TNFSF18: variants seen among roughly 807,000 people sequenced by gnomAD.
The protein encoded by TNFSF18 is tumor necrosis factor ligand superfamily member 18.
A neutral mutation model predicts 9.6 loss-of-function variants in TNFSF18; 6 were observed. The ratio of observed to expected loss-of-function variants is 0.63; its 90% CI spans 0.34 to 1.24. The LOEUF (loss-of-function observed/expected upper bound fraction) is 1.24. Among genes scored for constraint, TNFSF18 ranks in the 50% most tolerant of loss-of-function variants. TNFSF18 has a pLI of 0.03. For synonymous variants in TNFSF18, 68 were observed against 71.7 expected (o/e 0.95, Z 0.26); for missense variants, 210 against 201.0 (o/e 1.04, Z -0.27).
At chr1:173,044,029 A>G in intron 1 of TNFSF18, 60 bp from the exon 2 acceptor site, 10 of 1,480,818 alleles carry the variant, frequency 6.8e-6, no homozygotes, top group Non-Finnish European at 9.4e-6. Flanking sequence ...AATTTTTTTG[A>G]TTGATTTATT....
rs201928707 is a variant in TNFSF18 at position 173,039,737 on chromosome 1, T to TACAC, written c.*1629_*1630insGTGT. 0.059 allele frequency among the ~76,000 whole-genome samples: 8,815 copies of TACAC among 148,534 alleles called. 311 individuals are homozygous for TACAC. The highest frequency in any genetic ancestry group is 0.11 in the African/African-American group (4,380 of 40,016). On this transcript the variant is annotated 3_prime_UTR_variant, in exon 3 of 3. Coordinates refer to ENST00000404377, the MANE Select transcript of TNFSF18 (RefSeq NM_005092.4). ...GTATACATATATATACACACACACATATACACACACACACACACACACACA... is the reference window on the plus strand; with the variant it reads ...GTATACATATATATACACACACACATACACATACACACACACACACACACACACA...
Position 173,039,511 on chromosome 1 carries a change from C to T in TNFSF18, c.*1856G>A, listed in dbSNP as rs894453148. On this transcript the variant is annotated 3_prime_UTR_variant, in exon 3 of 3. Transcript: ENST00000404377. ...GTGGTGTGCTGGTGAACTAGCTGTCCAAAAGGAAAATGTGTAGTGTTTGCC... is the reference window on the plus strand; with the variant it reads ...GTGGTGTGCTGGTGAACTAGCTGTCTAAAAGGAAAATGTGTAGTGTTTGCC... Among the ~76,000 whole-genome samples, 2 of 151,912 alleles carry T rather than the reference C, an allele frequency of 1.3e-5. No individual in the cohort carries two copies. The highest frequency in any genetic ancestry group is 4.2e-4 in the South Asian group (2 of 4,800).
rs572326259 is a variant in TNFSF18, at chr1:173,041,403, A to T, written c.498T>A (p.Gly166=). Residue 166 remains glycine (G), a synonymous_variant, in exon 3 of 3, where the codon GGT becomes GGA. Transcript: ENST00000404377. ...ATTGGGGATTTGCTAGTAAAATGATACCCCAGTATGTATTATTTTTTAGAA... is the reference window on the plus strand; with the variant it reads ...ATTGGGGATTTGCTAGTAAAATGATTCCCCAGTATGTATTATTTTTTAGAA... ...HQVLKNNTYW[G]IILLANPQFI... is the part of the protein sequence containing the mutation. 6.2e-7 allele frequency: 1 copy of T among 1,611,178 alleles called. No individual in the cohort carries two copies. Among genetic ancestry groups the T allele is most frequent in the South Asian group, 1.1e-5 (1 of 90,662 alleles).
intron 2 of TNFSF18, among the ~76,000 whole-genome samples, chr1:173,041,920 C>T (rs969972946): frequency 1.3e-5 from 2 of 152,004 alleles, no homozygotes; most frequent in African/African-American, 4.8e-5. Flanking sequence ...GTATTTCTTG[C>T]TTGGAGCAAG....
At chr1:173,042,286 C>T (rs2101926083) in intron 2 of TNFSF18, among the ~76,000 whole-genome samples, 1 of 152,208 alleles carries the variant, frequency 6.6e-6, no homozygotes, top group Middle Eastern at 3.4e-3. Flanking sequence ...TCTTGTATCA[C>T]TTTGAATGTA....
chr1:173,047,121 C>A (rs944827711), intron 1 of TNFSF18, among the ~76,000 whole-genome samples: 3 of 152,114 alleles, frequency 2.0e-5, no homozygotes, highest in Admixed American at 6.6e-5. Flanking sequence ...GTCTCAAACT[C>A]TTGACCTCAA....
intron 2 of TNFSF18, among the ~76,000 whole-genome samples, chr1:173,043,506 C>G (rs150762419): frequency 6.6e-6 from 1 of 152,306 alleles, no homozygotes; most frequent in Non-Finnish European, 1.5e-5. Flanking sequence ...TTTTCCAACT[C>G]TCATTGCTCT....
Position 173,041,365 on chromosome 1 carries a change from C to T in TNFSF18, c.*2G>A. 6.3e-7 allele frequency: 1 copy of T among 1,597,378 alleles called. No individual in the cohort carries two copies. The highest frequency in any genetic ancestry group is 1.1e-5 in the South Asian group (1 of 87,608). ...AGGGAATGAGGAGATCAAATCAAGT[C>T]TCTAGGAGATGAATTGGGGATTTGC... On this transcript the variant is annotated 3_prime_UTR_variant, in exon 3 of 3. Transcript: ENST00000404377.
rs371936882 is a variant in TNFSF18, at chr1:173,043,929, G to C, written c.187+10C>G. 1 of 1,611,096 alleles carries C rather than the reference G, an allele frequency of 6.2e-7. No individual in the cohort carries two copies. Among genetic ancestry groups the C allele is most frequent in the Non-Finnish European group, 8.5e-7 (1 of 1,177,496 alleles). ...AGAAAAGTAAAAGACATGCAAGATAGGTTACTCACCAAACTTAGCCATACA... is the reference window on the plus strand; with the variant it reads ...AGAAAAGTAAAAGACATGCAAGATACGTTACTCACCAAACTTAGCCATACA... On this transcript the variant is annotated intron_variant, in intron 2 of 2. Coordinates refer to ENST00000404377, the MANE Select transcript of TNFSF18 (RefSeq NM_005092.4).
At chr1:173,048,075 C>T (rs1469200400) in intron 1 of TNFSF18, among the ~76,000 whole-genome samples, 4 of 151,976 alleles carry the variant, frequency 2.6e-5, no homozygotes, top group African/African-American at 9.7e-5. Context: ...TTAGGTTGCT[C>T]ATTTTGCAGA....
In TNFSF18 at chr1:173,041,500, T is replaced by C; in HGVS notation, c.401A>G (p.Gln134Arg). The change falls in exon 3 of 3, where the codon CAA becomes CGA. Residue 134 changes from glutamine (Q) to arginine (R), a missense_variant. Physicochemically the swap from Gln to Arg is conservative, Grantham distance 43. Transcript: ENST00000404377. Reference sequence around the variant, plus strand: ...CAATTCATAAGTCCCTCCTACATTTTGGATTTTAGATTTGTTTGTTAGAGT... The same window carrying C: ...CAATTCATAAGTCCCTCCTACATTTCGGATTTTAGATTTGTTTGTTAGAGT... ...IQTLTNKSKIQNVGGTYELHV... is the reference protein window; with the variant it reads ...IQTLTNKSKIRNVGGTYELHV... 6.2e-7 allele frequency: 1 copy of C among 1,613,626 alleles called. No individual in the cohort carries two copies. The highest frequency in any genetic ancestry group is 1.1e-5 in the South Asian group (1 of 91,070).
At chr1:173,043,901 C>T (rs767888372) in intron 2 of TNFSF18, 38 bp downstream of exon 2, 56 of 1,591,060 alleles carry the variant, frequency 3.5e-5, no homozygotes, top group Admixed American at 6.7e-5. Context: ...GCATCAAAAA[C>T]TAAGAAAAGT....
In TNFSF18 at chr1:173,050,937, GTGA is replaced by G; in HGVS notation, c.-44_-42del. 6.2e-7 allele frequency: 1 copy of G among 1,613,624 alleles called. No individual in the cohort carries two copies. Among genetic ancestry groups the G allele is most frequent in the Non-Finnish European group, 8.5e-7 (1 of 1,179,724 alleles). On this transcript the variant is annotated 5_prime_UTR_variant, in exon 1 of 3. Transcript: ENST00000404377. Reference sequence around the variant, plus strand: ...AGCTGTGGAAAACAAAAATTCACAAGTGATGGGTGAAGGATGCAATGTCATGTT... The same window carrying G: ...AGCTGTGGAAAACAAAAATTCACAAGTGGGTGAAGGATGCAATGTCATGTT...
chr1:173,043,917 A>G, intron 2 of TNFSF18, 22 bp downstream of exon 2: 1 of 1,607,146 alleles, frequency 6.2e-7, no homozygotes, highest in Non-Finnish European at 8.5e-7. Flanking sequence ...AAAGTAAAAG[A>G]CATGCAAGAT....
chr1:173,041,838 C>CCTG, intron 2 of TNFSF18, 125 bp from the exon 3 acceptor site: 1 of 830,984 alleles, frequency 1.2e-6, no homozygotes, highest in Non-Finnish European at 1.8e-6. Context: ...TACACTAGTT[C>CCTG]TCTTCAAGCA....
chr1:173,043,683 G>C (rs1665028111), intron 2 of TNFSF18, among the ~76,000 whole-genome samples: 1 of 152,104 alleles, frequency 6.6e-6, no homozygotes, highest in South Asian at 2.1e-4. Flanking sequence ...AGATTCATAG[G>C]CCAGTAAGAG....
At position 173,041,429 on chromosome 1, in the gene TNFSF18, C is replaced by A. The variant is rs150233898; in HGVS notation, c.472G>T (p.Val158Phe). The A allele has an allele frequency of 2.5e-4, 408 of 1,613,268 alleles. 7 individuals carry two copies. The African/African-American group carries it at 3.9e-3, about 15-fold the overall frequency. ...IDLIFNSEHQ[V>F]LKNNTYWGII... ...CCCCAGTATGTATTATTTTTTAGAACCTGATGCTCAGAGTTGAATATCAAG... is the reference window on the plus strand; with the variant it reads ...CCCCAGTATGTATTATTTTTTAGAAACTGATGCTCAGAGTTGAATATCAAG... The change falls in exon 3 of 3, where the codon GTT becomes TTT. Residue 158 changes from valine (V) to phenylalanine (F), a missense_variant. Physicochemically the swap from Val to Phe is conservative, Grantham distance 50. Coordinates refer to ENST00000404377, the MANE Select transcript of TNFSF18 (RefSeq NM_005092.4).
intron 2 of TNFSF18, 124 bp downstream of exon 2, chr1:173,043,815 G>C (rs992208692): frequency 2.5e-5 from 24 of 954,900 alleles, no homozygotes; most frequent in Non-Finnish European, 3.8e-5. Flanking sequence ...TACATGATAA[G>C]TAATTATACA....
rs1557844008 is a variant in TNFSF18, at chr1:173,039,765, C to T, written c.*1602G>A. 6.6e-6 allele frequency among the ~76,000 whole-genome samples: 1 copy of T among 150,870 alleles called. No homozygotes were observed. The highest frequency in any genetic ancestry group is 1.5e-5 in the Non-Finnish European group (1 of 67,680). On this transcript the variant is annotated 3_prime_UTR_variant, in exon 3 of 3. Transcript: ENST00000404377. ...ACACACACACACACACACACACACA[C>T]ATATGTATGACACACTTTAATTTCC...
Sources: allele counts gnomAD v4.1 joint callset (sites outside exome capture counted in the v4.1 genomes callset), GRCh38; gene constraint gnomAD v4.1.1; transcripts MANE v1.5; gene names NCBI Gene and HGNC (gene_info 2026-07-23, HGNC 2026-07-21).